The following EIF4EBP2 variants were observed in gnomAD, a reference collection of about 807,000 sequenced individuals.
EIF4EBP2 encodes the protein eukaryotic translation initiation factor 4E binding protein 2, also known as eukaryotic translation initiation factor 4E-binding protein 2.
Under a neutral mutation model 10.3 loss-of-function variants are expected in EIF4EBP2, and 5 were observed. That is an observed-to-expected ratio of 0.48 (90% confidence interval 0.25 to 1.02). EIF4EBP2 has a LOEUF of 1.02. EIF4EBP2 is among the 50% of genes least tolerant of loss of function. EIF4EBP2 has a pLI of 0.15. For synonymous variants in EIF4EBP2, 67 were observed against 61.1 expected (o/e 1.10, Z -0.45); for missense variants, 188 against 162.2 (o/e 1.16, Z -0.86).
chr10:70,408,943 C>T (rs1454540341), intron 1 of EIF4EBP2, among the ~76,000 whole-genome samples: 1 of 152,142 alleles, frequency 6.6e-6, no homozygotes, highest in East Asian at 1.9e-4. Context: ...TTTCCTGCCT[C>T]AAACTTCTAG....
intron 2 of EIF4EBP2, 86 bp downstream of exon 2, chr10:70,420,185 C>G (rs961459395): frequency 3.0e-5 from 42 of 1,378,204 alleles, no homozygotes; most frequent in South Asian, 8.9e-5. Flanking sequence ...GCTATTGATT[C>G]TTCAGTTTTG....
intron 2 of EIF4EBP2, among the ~76,000 whole-genome samples, chr10:70,420,951 C>G (rs1464674817): frequency 6.6e-6 from 1 of 152,068 alleles, no homozygotes. Flanking sequence ...CCTGCCACCA[C>G]GCCCGGCTAA....
rs755850008 is a variant in EIF4EBP2, at chr10:70,421,925, A to T, written c.*178A>T. 14 of 588,338 alleles carry T rather than the reference A, an allele frequency of 2.4e-5. No homozygotes were observed. Among genetic ancestry groups the T allele is most frequent in the Non-Finnish European group, 4.2e-5 (14 of 329,926 alleles). The allele number at this position is 588,338 out of a possible 1,614,324, so 36.4% of individuals were successfully genotyped here. On this transcript the variant is annotated 3_prime_UTR_variant, in exon 3 of 3. Coordinates refer to ENST00000373218, the MANE Select transcript of EIF4EBP2 (RefSeq NM_004096.5). ...ATGGGAAGATGAGCTTCATCTGACC[A>T]TTTCTTCTCCCTGTCTCCTGTTCCC...
At chr10:70,417,719 C>A (rs1845112098) in intron 1 of EIF4EBP2, among the ~76,000 whole-genome samples, 1 of 152,144 alleles carries the variant, frequency 6.6e-6, no homozygotes, top group South Asian at 2.1e-4. Context: ...CCACAATTTC[C>A]AAGCTTGATG....
chr10:70,416,889 A>G (rs1330906290), intron 1 of EIF4EBP2, among the ~76,000 whole-genome samples: 1 of 151,898 alleles, frequency 6.6e-6, no homozygotes, highest in Non-Finnish European at 1.5e-5. Context: ...CTGGTCTTGA[A>G]CTTGTGAGGT....
chr10:70,417,906 A>G (rs1845113673), intron 1 of EIF4EBP2, among the ~76,000 whole-genome samples: 1 of 152,176 alleles, frequency 6.6e-6, no homozygotes, highest in Non-Finnish European at 1.5e-5. Flanking sequence ...ACCCCCTTTC[A>G]GCCTATTTGC....
chr10:70,404,592 T>C (rs773680822), intron 1 of EIF4EBP2, 46 bp downstream of exon 1: 1 of 1,484,776 alleles, frequency 6.7e-7, no homozygotes, highest in Non-Finnish European at 8.9e-7. Flanking sequence ...CCCGCCGCGG[T>C]CCTCTAACTC....
intron 1 of EIF4EBP2, among the ~76,000 whole-genome samples, chr10:70,415,557 G>T (rs935438626): frequency 2.0e-5 from 3 of 152,144 alleles, no homozygotes; most frequent in Admixed American, 6.5e-5. Context: ...AAGACAGTGG[G>T]GTACTAGCAT....
At chr10:70,412,218 C>T (rs1236980856) in intron 1 of EIF4EBP2, among the ~76,000 whole-genome samples, 1 of 152,150 alleles carries the variant, frequency 6.6e-6, no homozygotes, top group Admixed American at 6.5e-5. Context: ...TTCATGTTCT[C>T]CTTTCCTGCT....
In EIF4EBP2 at chr10:70,424,516, A is replaced by G. The variant is rs1589149506; in HGVS notation, c.*2769A>G. The G allele has an allele frequency of 6.6e-6, 1 of 152,362 alleles. No individual in the cohort carries two copies. Among genetic ancestry groups the G allele is most frequent in the East Asian group, 1.9e-4 (1 of 5,188 alleles). 9.4% of individuals were successfully genotyped at this position (152,362 alleles called of 1,614,324 possible). ...TTATTTTTAGAACAAGCCAGAGTCC[A>G]TTGAGTGGTTTACCTCTGCATGTTT... is the stretch of plus-strand genomic sequence containing the variant. On this transcript the variant is annotated 3_prime_UTR_variant, in exon 3 of 3. Transcript: ENST00000373218.
intron 1 of EIF4EBP2, among the ~76,000 whole-genome samples, chr10:70,418,126 G>A (rs922074997): frequency 1.3e-5 from 2 of 152,186 alleles, no homozygotes; most frequent in African/African-American, 4.8e-5. Flanking sequence ...AGGTCATAAA[G>A]GTGGGACCCT....
intron 1 of EIF4EBP2, among the ~76,000 whole-genome samples, chr10:70,411,558 C>T (rs2137226315): frequency 6.6e-6 from 1 of 152,294 alleles, no homozygotes; most frequent in South Asian, 2.1e-4. Flanking sequence ...CTAATGTGCA[C>T]TGCAGCCTTG....
chr10:70,407,670 C>T (rs1356515199), intron 1 of EIF4EBP2, among the ~76,000 whole-genome samples: 1 of 151,774 alleles, frequency 6.6e-6, no homozygotes, highest in Non-Finnish European at 1.5e-5. Flanking sequence ...AGAGGGGCTC[C>T]TCACTTCCCA....
chr10:70,404,998 G>A (rs1398028361), intron 1 of EIF4EBP2, among the ~76,000 whole-genome samples: 2 of 152,188 alleles, frequency 1.3e-5, no homozygotes, highest in Non-Finnish European at 2.9e-5. Context: ...ATCCTGCGAT[G>A]GCTTGTTTTT....
rs537842690 is a variant in EIF4EBP2 at position 70,414,737 on chromosome 10, G to A, written c.146-5177G>A. 4.0e-5 allele frequency among the ~76,000 whole-genome samples: 6 copies of A among 151,814 alleles called. No individual in the cohort carries two copies. The East Asian group carries it at 5.8e-4, about 15-fold the overall frequency. ...ACAAAAATTAGCTGGGCATGGTAGC[G>A]CATACCTGTAATCCCAGCTATTTGG... On this transcript the variant is annotated intron_variant, in intron 1 of 2. Coordinates refer to ENST00000373218, the MANE Select transcript of EIF4EBP2 (RefSeq NM_004096.5).
chr10:70,404,386 G>A lies in EIF4EBP2; in HGVS notation c.-16G>A. 3 of 1,553,146 alleles carry A rather than the reference G, an allele frequency of 1.9e-6. No homozygotes were observed. Among genetic ancestry groups the A allele is most frequent in the Non-Finnish European group, 2.6e-6 (3 of 1,153,244 alleles). ...GCCTGCCCGCCGGACAAAGCCGAGA[G>A]CCCGCGCCCACAGCCATGTCCTCGT... On this transcript the variant is annotated 5_prime_UTR_variant, in exon 1 of 3. Coordinates refer to ENST00000373218, the MANE Select transcript of EIF4EBP2 (RefSeq NM_004096.5).
At chr10:70,417,759 A>G (rs1845112531) in intron 1 of EIF4EBP2, among the ~76,000 whole-genome samples, 1 of 152,178 alleles carries the variant, frequency 6.6e-6, no homozygotes, top group Non-Finnish European at 1.5e-5. Flanking sequence ...ATCTTGTTCC[A>G]GTTTGCAAGT....
At chr10:70,415,733 A>AGGT (rs1845088349) in intron 1 of EIF4EBP2, among the ~76,000 whole-genome samples, 1 of 152,268 alleles carries the variant, frequency 6.6e-6, no homozygotes, top group Non-Finnish European at 1.5e-5. Flanking sequence ...GAAAAACTGA[A>AGGT]GGTGGACCAG....
chr10:70,416,136 T>G (rs1845091633), intron 1 of EIF4EBP2, among the ~76,000 whole-genome samples: 1 of 152,206 alleles, frequency 6.6e-6, no homozygotes, highest in Non-Finnish European at 1.5e-5. Context: ...AACAGCATGT[T>G]CAACATAATT....
Sources: allele counts gnomAD v4.1 joint callset (sites outside exome capture counted in the v4.1 genomes callset), GRCh38; gene constraint gnomAD v4.1.1; transcripts MANE v1.5; gene names NCBI Gene and HGNC (gene_info 2026-07-23, HGNC 2026-07-21).